FTO: variants seen among roughly 807,000 people sequenced by gnomAD.
FTO encodes the protein alpha-ketoglutarate-dependent dioxygenase FTO.
FTO carries 47 observed loss-of-function variants against 63.9 expected under a neutral mutation model. The ratio of observed to expected loss-of-function variants is 0.74; its 90% CI spans 0.58 to 0.94. FTO has a LOEUF of 0.94. FTO is among the 40% of genes least tolerant of loss of function. The pLI is 0.00. For synonymous variants in FTO, 207 were observed against 224.4 expected, an observed-to-expected ratio of 0.92 and a Z score of 0.69; for missense variants, 562 against 618.1, an observed-to-expected ratio of 0.91 and a Z score of 0.96.
At chr16:53,957,052 T>G (rs2082948187) in intron 8 of FTO, among the ~76,000 whole-genome samples, 2 of 152,220 alleles carry the variant, frequency 1.3e-5, no homozygotes. Flanking sequence ...TTTCCTTAGA[T>G]TATCTTTTTA....
At chr16:53,971,603 G>A (rs1193177802) in intron 8 of FTO, among the ~76,000 whole-genome samples, 1 of 152,206 alleles carries the variant, frequency 6.6e-6, no homozygotes, top group Non-Finnish European at 1.5e-5. Context: ...GTATATGTGT[G>A]TATTTTTAAA....
chr16:53,779,790 C>A (rs1276695907), intron 1 of FTO, among the ~76,000 whole-genome samples: 1 of 152,116 alleles, frequency 6.6e-6, no homozygotes, highest in East Asian at 1.9e-4. Context: ...AGCTAGCTAG[C>A]GCTTGTAAAT....
intron 8 of FTO, among the ~76,000 whole-genome samples, chr16:54,085,987 C>T (rs576310472): frequency 6.6e-6 from 1 of 152,296 alleles, no homozygotes; most frequent in East Asian, 1.9e-4. Context: ...TTATATTCCC[C>T]AGTACCAAGA....
Position 53,932,392 on chromosome 16 carries a change from G to GTT in FTO, c.1240-1579_1240-1578dup, listed in dbSNP as rs1277490248. Among the ~76,000 whole-genome samples, 1,043 of 140,976 alleles carry GTT rather than the reference G, an allele frequency of 7.4e-3. 19 individuals carry two copies. Among genetic ancestry groups the GTT allele is most frequent in the African/African-American group, 0.025 (966 of 38,602 alleles). 92.5% of individuals were successfully genotyped at this position (140,976 alleles called of 152,430 possible). ...AGCAACAGAAACAGATTCTGATGTG[G>GTT]TTTTTTTTTTTTTTTGAGATGGAAC... On this transcript the variant is annotated intron_variant, in intron 7 of 8. Transcript: ENST00000471389.
In FTO at chr16:53,828,953, C is replaced by T. The variant is rs2079077303; in HGVS notation, c.751+2462C>T. ...TCTCCCAGGCCGGAGTGCAGTGGCA[C>T]GATCTCGGCTCACTGCAACCTCCGC... On this transcript the variant is annotated intron_variant, in intron 3 of 8. Transcript: ENST00000471389. Among the ~76,000 whole-genome samples, 3 of 152,164 alleles carry T rather than the reference C, an allele frequency of 2.0e-5. No homozygotes were observed. The South Asian group carries it at 6.2e-4, about 32-fold the overall frequency.
At chr16:54,008,114 C>T (rs543026533) in intron 8 of FTO, among the ~76,000 whole-genome samples, 1 of 152,308 alleles carries the variant, frequency 6.6e-6, no homozygotes, top group South Asian at 2.1e-4. Flanking sequence ...TTAAGAAACA[C>T]CTAGCACTTA....
intron 2 of FTO, among the ~76,000 whole-genome samples, chr16:53,812,097 C>T (rs2076538488): frequency 6.6e-6 from 1 of 151,844 alleles, no homozygotes. Context: ...ACAGGCATGA[C>T]CCACCATGCC....
chr16:53,942,344 T>A (rs2082549967), intron 8 of FTO, among the ~76,000 whole-genome samples: 1 of 152,176 alleles, frequency 6.6e-6, no homozygotes, highest in East Asian at 1.9e-4. Flanking sequence ...TCCAGTGTAC[T>A]TGAGGAAGAG....
At chr16:54,019,814 C>G (rs764199824) in intron 8 of FTO, among the ~76,000 whole-genome samples, 1 of 152,192 alleles carries the variant, frequency 6.6e-6, no homozygotes, top group Non-Finnish European at 1.5e-5. Flanking sequence ...TACTCAGGCT[C>G]TGTGCATCTC....
intron 7 of FTO, among the ~76,000 whole-genome samples, chr16:53,891,605 G>A (rs929481872): frequency 3.3e-5 from 5 of 152,306 alleles, no homozygotes; most frequent in Middle Eastern, 3.4e-3. Flanking sequence ...AGGCTACAGT[G>A]AGCTGTGATC....
chr16:53,858,266 G>A (rs1203386946), intron 4 of FTO, among the ~76,000 whole-genome samples: 1 of 152,064 alleles, frequency 6.6e-6, no homozygotes, highest in Non-Finnish European at 1.5e-5. Context: ...TCTTTGACTG[G>A]ATGATATATT....
chr16:53,720,978 C>T (rs1348784227), intron 1 of FTO, among the ~76,000 whole-genome samples: 2 of 151,980 alleles, frequency 1.3e-5, no homozygotes, highest in African/African-American at 4.8e-5. Flanking sequence ...TTTGTAGAGA[C>T]TGGGTCTCAC....
At chr16:53,971,016 A>C in intron 8 of FTO, among the ~76,000 whole-genome samples, 1 of 152,172 alleles carries the variant, frequency 6.6e-6, no homozygotes, top group East Asian at 1.9e-4. Flanking sequence ...TTGGGTCTTT[A>C]TTTACTGCAT....
chr16:54,087,817 C>T (rs2086283890), intron 8 of FTO, among the ~76,000 whole-genome samples: 1 of 152,050 alleles, frequency 6.6e-6, no homozygotes, highest in African/African-American at 2.4e-5. Context: ...AAGAAATTTA[C>T]AAAAACAAGA....
chr16:53,875,273 G>T (rs10521303), intron 5 of FTO, among the ~76,000 whole-genome samples: 77,751 of 151,928 alleles, frequency 0.51, 20,425 homozygotes, highest in East Asian at 0.85. Flanking sequence ...ACTTAAGTGC[G>T]CCCTTCTACG....
intron 8 of FTO, among the ~76,000 whole-genome samples, chr16:54,063,236 G>A (rs1291132603): frequency 6.6e-6 from 1 of 152,128 alleles, no homozygotes; most frequent in Admixed American, 6.5e-5. Context: ...AGTTATGAGA[G>A]CAAAATACTA....
chr16:54,013,843 A>G (rs1182423745), intron 8 of FTO, among the ~76,000 whole-genome samples: 1 of 152,214 alleles, frequency 6.6e-6, no homozygotes, highest in Non-Finnish European at 1.5e-5. Flanking sequence ...TGGGAAGCCA[A>G]AAAATTCACG....
intron 8 of FTO, among the ~76,000 whole-genome samples, chr16:54,108,222 A>G (rs1174276189): frequency 1.3e-5 from 2 of 152,234 alleles, no homozygotes; most frequent in Non-Finnish European, 2.9e-5. Context: ...GACTATGTAG[A>G]GTATTGTGTG....
At chr16:53,828,450 G>A (rs956118273) in intron 3 of FTO, among the ~76,000 whole-genome samples, 21 of 151,968 alleles carry the variant, frequency 1.4e-4, no homozygotes, top group Non-Finnish European at 1.9e-4. Flanking sequence ...CTCATGATCC[G>A]CCCACCTCGG....
Sources: gnomAD v4.1 joint callset for allele counts (sites outside exome capture counted in the v4.1 genomes callset) on GRCh38, gnomAD v4.1.1 for gene constraint, MANE v1.5 for transcripts, NCBI Gene and HGNC (gene_info 2026-07-23, HGNC 2026-07-21) for gene names.